AP4S1: variants seen among roughly 807,000 people sequenced by gnomAD.
AP4S1 encodes the protein AP-4 complex subunit sigma-1.
A neutral mutation model predicts 19.8 loss-of-function variants in AP4S1; 23 were observed. The observed-to-expected ratio is 1.16, with a 90% CI of 0.84 to 1.65. The LOEUF (loss-of-function observed/expected upper bound fraction) is 1.65. Ranked by LOEUF, AP4S1 falls within the 40% of genes most tolerant of loss-of-function variation. The pLI is 0.00. For missense variants in AP4S1, 166 were observed against 172.8 expected (o/e 0.96, Z 0.22); for synonymous variants, 46 against 54.1 (o/e 0.85, Z 0.66).
intron 5 of AP4S1, chr14:31,083,362 G>C (rs1182388211): frequency 2.4e-6 from 1 of 422,690 alleles, no homozygotes; most frequent in Non-Finnish European, 4.6e-6. Flanking sequence ...ATCATTTAGA[G>C]AGGAGAACTA....
chr14:31,078,059 A>G (rs1295670108), intron 4 of AP4S1, among the ~76,000 whole-genome samples: 1 of 152,056 alleles, frequency 6.6e-6, no homozygotes, highest in African/African-American at 2.4e-5. Context: ...TTGATTCAAG[A>G]GTTGGTGTTG....
intron 1 of AP4S1, among the ~76,000 whole-genome samples, chr14:31,027,531 G>T (rs564886231): frequency 6.6e-6 from 1 of 152,064 alleles, no homozygotes; most frequent in African/African-American, 2.4e-5. Flanking sequence ...GCATGGTGGC[G>T]CACACCTGTA....
intron 1 of AP4S1, among the ~76,000 whole-genome samples, chr14:31,046,986 G>C (rs1885448969): frequency 6.6e-6 from 1 of 152,148 alleles, no homozygotes; most frequent in Non-Finnish European, 1.5e-5. Context: ...GAACATTCCA[G>C]GGTCTCCACA....
chr14:31,066,479 C>A, intron 2 of AP4S1, 145 bp downstream of exon 2: 1 of 1,139,612 alleles, frequency 8.8e-7, no homozygotes, highest in Non-Finnish European at 1.3e-6. Context: ...AAATGAAAAA[C>A]TGAAAGAAGC....
At chr14:31,054,892 A>C (rs1184553399) in intron 1 of AP4S1, among the ~76,000 whole-genome samples, 1 of 148,478 alleles carries the variant, frequency 6.7e-6, no homozygotes, top group Non-Finnish European at 1.5e-5. Context: ...AAAAAAAAAA[A>C]AAAACAGTGA....
At chr14:31,046,364 CTTA>C (rs1317586301) in intron 1 of AP4S1, among the ~76,000 whole-genome samples, 1 of 152,128 alleles carries the variant, frequency 6.6e-6, no homozygotes, top group Non-Finnish European at 1.5e-5. Flanking sequence ...CTGGACATTT[CTTA>C]TTAGTAGAAT....
chr14:31,063,167 A>G (rs767735630), intron 1 of AP4S1, among the ~76,000 whole-genome samples: 2 of 152,106 alleles, frequency 1.3e-5, no homozygotes, highest in South Asian at 4.1e-4. Flanking sequence ...GCAGTGACTC[A>G]TGCCTGTAAT....
At chr14:31,067,932 G>A (rs1054488431) in intron 2 of AP4S1, among the ~76,000 whole-genome samples, 2 of 150,284 alleles carry the variant, frequency 1.3e-5, no homozygotes, top group Non-Finnish European at 3.0e-5. Flanking sequence ...GCAACGGCAC[G>A]ATCTTGGCTT....
intron 1 of AP4S1, among the ~76,000 whole-genome samples, chr14:31,048,756 T>G (rs1216927616): frequency 6.6e-6 from 1 of 151,890 alleles, no homozygotes; most frequent in Non-Finnish European, 1.5e-5. Context: ...AAAACAAATC[T>G]AGCCACGTGC....
In AP4S1 at chr14:31,063,228, C is replaced by T. The variant is rs185789087; in HGVS notation, c.-71-2898C>T. Among the ~76,000 whole-genome samples the T allele has an allele frequency of 3.4e-3, 520 of 152,154 alleles. 2 individuals carry two copies. The highest frequency in any genetic ancestry group is 0.012 in the African/African-American group (494 of 41,512). ...GGCAGATCACTTGAGGTCAGGAGTT[C>T]GAGACCAGCCTGGACAACATGGTGA... On this transcript the variant is annotated intron_variant, in intron 1 of 5. Transcript: ENST00000542754.
chr14:31,085,678 T>A, intron 5 of AP4S1: 1 of 646,728 alleles, frequency 1.5e-6, no homozygotes, highest in Non-Finnish European at 1.9e-6. Context: ...GAGGCTGAGG[T>A]GGGAGGATCA....
At chr14:31,071,470 G>T (rs1469644000) in intron 3 of AP4S1, among the ~76,000 whole-genome samples, 1 of 152,188 alleles carries the variant, frequency 6.6e-6, no homozygotes, top group Non-Finnish European at 1.5e-5. Flanking sequence ...CACCAGGCTG[G>T]AGTGCAATGG....
At chr14:31,062,791 C>A (rs556796026) in intron 1 of AP4S1, among the ~76,000 whole-genome samples, 92 of 151,360 alleles carry the variant, frequency 6.1e-4, no homozygotes, top group African/African-American at 2.0e-3. Flanking sequence ...CACGGTGAAA[C>A]CCTGTCTCTA....
chr14:31,055,995 C>G (rs1200361292), intron 1 of AP4S1, among the ~76,000 whole-genome samples: 1 of 151,750 alleles, frequency 6.6e-6, no homozygotes, highest in East Asian at 1.9e-4. Flanking sequence ...AGGCGCCCAC[C>G]ACCATGCCAG....
At chr14:31,043,094 G>A (rs759932950) in intron 1 of AP4S1, among the ~76,000 whole-genome samples, 5 of 152,104 alleles carry the variant, frequency 3.3e-5, no homozygotes, top group African/African-American at 7.2e-5. Context: ...GGTGGTGCAC[G>A]CCTGTAGTCC....
chr14:31,066,436 CT>C, intron 2 of AP4S1, 102 bp downstream of exon 2: 2 of 1,425,870 alleles, frequency 1.4e-6, no homozygotes, highest in Non-Finnish European at 2.0e-6. Flanking sequence ...AGCTATATTC[CT>C]TCAACAGCTA....
At chr14:31,048,072 A>G (rs1050253332) in intron 1 of AP4S1, among the ~76,000 whole-genome samples, 1 of 151,844 alleles carries the variant, frequency 6.6e-6, no homozygotes, top group East Asian at 1.9e-4. Flanking sequence ...TGTGACATAA[A>G]AGTATAAATA....
At chr14:31,072,050 C>T (rs1424619384) in intron 3 of AP4S1, among the ~76,000 whole-genome samples, 6 of 151,696 alleles carry the variant, frequency 4.0e-5, no homozygotes, top group Non-Finnish European at 5.9e-5. Flanking sequence ...AAGCAATTCT[C>T]CTGCCTCAGC....
intron 5 of AP4S1, chr14:31,083,329 A>G (rs140428750): frequency 2.4e-4 from 96 of 401,604 alleles, no homozygotes; most frequent in Middle Eastern, 1.7e-3. Context: ...AGGCATATCC[A>G]TCTGGCAAAT....
Sources: allele counts gnomAD v4.1 joint callset (sites outside exome capture counted in the v4.1 genomes callset), GRCh38; gene constraint gnomAD v4.1.1; transcripts MANE v1.5; gene names NCBI Gene and HGNC (gene_info 2026-07-23, HGNC 2026-07-21).